Variants in SNTG1 observed in about 807,000 individuals in gnomAD.
SNTG1 encodes syntrophin gamma 1.
In SNTG1, 39 loss-of-function variants were observed where a neutral mutation model predicts 74.7. The observed-to-expected ratio is 0.52, with a 90% CI of 0.40 to 0.68. The LOEUF (loss-of-function observed/expected upper bound fraction) is 0.68, where lower values mean the gene tolerates loss of function less well. Ranked by LOEUF, SNTG1 falls within the 30% of genes least tolerant of loss-of-function variation. SNTG1 has a pLI of 0.00. For missense variants in SNTG1, 685 were observed against 609.5 expected, an observed-to-expected ratio of 1.12 and a Z score of -1.30; for synonymous variants, 254 against 217.1, an observed-to-expected ratio of 1.17 and a Z score of -1.49.
chr8:50,619,744 A>G (rs184406074), intron 13 of SNTG1, among the ~76,000 whole-genome samples: 6,374 of 151,394 alleles, frequency 0.042, 262 homozygotes, highest in African/African-American at 0.092. Flanking sequence ...AAAAAAAAAA[A>G]AAAAAAGAAA....
At chr8:50,272,005 C>T (rs1244396032) in intron 2 of SNTG1, among the ~76,000 whole-genome samples, 1 of 152,106 alleles carries the variant, frequency 6.6e-6, no homozygotes, top group Non-Finnish European at 1.5e-5. Flanking sequence ...TAGAAGGTAT[C>T]ATCTATGAGC....
intron 12 of SNTG1, among the ~76,000 whole-genome samples, chr8:50,561,651 A>G (rs543363504): frequency 4.9e-4 from 74 of 152,200 alleles, no homozygotes; most frequent in South Asian, 6.2e-4. Context: ...AGTAAAAATC[A>G]TGAAATCTCA....
At chr8:50,228,780 G>T (rs1356004193) in intron 2 of SNTG1, among the ~76,000 whole-genome samples, 2 of 151,800 alleles carry the variant, frequency 1.3e-5, no homozygotes, top group South Asian at 4.1e-4. Context: ...AATGTTAAAA[G>T]TTCTTCAGGG....
chr8:50,099,070 C>A (rs945025891), intron 1 of SNTG1, among the ~76,000 whole-genome samples: 9 of 151,950 alleles, frequency 5.9e-5, no homozygotes, highest in African/African-American at 1.9e-4. Flanking sequence ...AAGCACCTCA[C>A]AAAAAATAAG....
At chr8:50,375,469 C>T (rs187571181) in intron 2 of SNTG1, among the ~76,000 whole-genome samples, 278 of 152,028 alleles carry the variant, frequency 1.8e-3, no homozygotes, top group Non-Finnish European at 3.1e-3. Flanking sequence ...AAGGGCATGG[C>T]AGCTGTGGGA....
At chr8:50,019,349 C>T (rs1352920869) in intron 1 of SNTG1, among the ~76,000 whole-genome samples, 1 of 151,910 alleles carries the variant, frequency 6.6e-6, no homozygotes, top group Non-Finnish European at 1.5e-5. Flanking sequence ...CAGGGACAGA[C>T]TTATAAACAG....
At chr8:50,660,540 A>AAGG (rs2095217241) in intron 15 of SNTG1, among the ~76,000 whole-genome samples, 1 of 122,758 alleles carries the variant, frequency 8.1e-6, no homozygotes, top group African/African-American at 4.4e-5. Flanking sequence ...GGAAGGAAGG[A>AAGG]AAGAAAACTG....
intron 12 of SNTG1, among the ~76,000 whole-genome samples, chr8:50,579,503 G>A (rs2094596482): frequency 6.6e-6 from 1 of 152,100 alleles, no homozygotes; most frequent in South Asian, 2.1e-4. Flanking sequence ...GACCTTCATG[G>A]CAGCCCCTCC....
At chr8:50,630,897 C>T (rs376252982) in intron 13 of SNTG1, among the ~76,000 whole-genome samples, 4 of 152,178 alleles carry the variant, frequency 2.6e-5, no homozygotes, top group African/African-American at 9.7e-5. Flanking sequence ...ATGCCAAAGA[C>T]TCTCCAAAAG....
intron 1 of SNTG1, among the ~76,000 whole-genome samples, chr8:50,048,731 C>G (rs1819313001): frequency 6.6e-6 from 1 of 151,998 alleles, no homozygotes; most frequent in Non-Finnish European, 1.5e-5. Flanking sequence ...TATCATAAAC[C>G]TATTTTTTAT....
intron 12 of SNTG1, among the ~76,000 whole-genome samples, chr8:50,573,538 A>T (rs551547679): frequency 6.6e-6 from 1 of 152,070 alleles, no homozygotes; most frequent in African/African-American, 2.4e-5. Flanking sequence ...ATTTCCTGAA[A>T]GTGAATATTA....
chr8:50,034,441 A>ACAAGGCTAATGCCAGCATTTAAAAAT, intron 1 of SNTG1, among the ~76,000 whole-genome samples: 1 of 152,340 alleles, frequency 6.6e-6, no homozygotes, highest in East Asian at 1.9e-4. Context: ...AAGTTTATAT[A>ACAAGGCTAATGCCAGCATTTAAAAAT]CAAGGCTAAT....
chr8:50,627,359 C>G (rs976533167), intron 13 of SNTG1, among the ~76,000 whole-genome samples: 3 of 152,136 alleles, frequency 2.0e-5, no homozygotes, highest in Admixed American at 2.0e-4. Flanking sequence ...ATAAACAAGG[C>G]TTGCAGGAGT....
intron 1 of SNTG1, among the ~76,000 whole-genome samples, chr8:49,961,893 G>A (rs1489089903): frequency 1.3e-5 from 2 of 152,186 alleles, no homozygotes; most frequent in East Asian, 1.9e-4. Context: ...CCTCTTGAGT[G>A]TCCATCCAAG....
chr8:49,938,202 G>T (rs1808261545), intron 1 of SNTG1, among the ~76,000 whole-genome samples: 1 of 152,090 alleles, frequency 6.6e-6, no homozygotes, highest in South Asian at 2.1e-4. Flanking sequence ...GGTGTAATTT[G>T]TAAAGCTATT....
chr8:50,733,174 C>T (rs1005935353), intron 17 of SNTG1, among the ~76,000 whole-genome samples: 1 of 151,960 alleles, frequency 6.6e-6, no homozygotes. Context: ...CAAATGAGAA[C>T]ATGTGGAATT....
At chr8:50,353,369 C>T (rs867321077) in intron 2 of SNTG1, among the ~76,000 whole-genome samples, 4 of 151,962 alleles carry the variant, frequency 2.6e-5, no homozygotes, top group East Asian at 1.9e-4. Flanking sequence ...CAAACCTGAA[C>T]GTAGTGCACA....
intron 4 of SNTG1, among the ~76,000 whole-genome samples, chr8:50,408,256 TTTAAAGTTCCTTGC>T (rs2092904890): frequency 3.8e-5 from 1 of 26,014 alleles, no homozygotes; most frequent in Non-Finnish European, 7.6e-5. Context: ...TCATCCTTGC[TTTAAAGTTCCTTGC>T]TTTAAAGTTA....
At position 50,515,387 on chromosome 8, in the gene SNTG1, G is replaced by GT. The variant is rs34086906; in HGVS notation, c.466+12535dup. On this transcript the variant is annotated intron_variant, in intron 9 of 18. Coordinates refer to ENST00000642720, the MANE Select transcript of SNTG1 (RefSeq NM_018967.5). Reference sequence around the variant, plus strand: ...GGCAGACAACAAGCTAGCTGCAGGAGTTTTTTTTTTTTTTTTTTTTTTTTT... The same window carrying GT: ...GGCAGACAACAAGCTAGCTGCAGGAGTTTTTTTTTTTTTTTTTTTTTTTTTT... Among the ~76,000 whole-genome samples the GT allele has an allele frequency of 8.3e-3, 667 of 80,444 alleles. 45 individuals carry two copies. Among genetic ancestry groups the GT allele is most frequent in the African/African-American group, 0.013 (272 of 21,504 alleles). 52.8% of individuals were successfully genotyped at this position (80,444 alleles called of 152,430 possible). A position where few individuals can be genotyped will look rare whatever the true frequency, so the allele number is the denominator to read the frequency against.
Sources: allele counts gnomAD v4.1 joint callset (sites outside exome capture counted in the v4.1 genomes callset), GRCh38; gene constraint gnomAD v4.1.1; transcripts MANE v1.5; gene names NCBI Gene and HGNC (gene_info 2026-07-23, HGNC 2026-07-21).